The following ZNF69 variants were observed in gnomAD, a reference collection of about 807,000 sequenced individuals.
ZNF69 encodes zinc finger protein 69.
A neutral mutation model predicts 50.9 loss-of-function variants in ZNF69; 47 were observed. The observed-to-expected ratio is 0.92, with a 90% CI of 0.73 to 1.18. The LOEUF (loss-of-function observed/expected upper bound fraction) is 1.18. Among genes scored for constraint, ZNF69 ranks in the 50% most tolerant of loss-of-function variants. The pLI is 0.00. For synonymous variants in ZNF69, 216 were observed against 223.1 expected (o/e 0.97, Z 0.29); for missense variants, 717 against 675.1 (o/e 1.06, Z -0.69).
chr19:11,952,910 C>A, the ZNF69 span: 1 of 152,146 alleles, frequency 6.6e-6, no homozygotes, highest in Non-Finnish European at 1.5e-5. Context: ...CCCATCTCTA[C>A]TAAAAATACA....
chr19:11,906,764 C>T (rs1314343191), downstream of ZNF69, among the ~76,000 whole-genome samples: 1 of 152,226 alleles, frequency 6.6e-6, no homozygotes, highest in Admixed American at 6.5e-5. Context: ...CATCAGAGCG[C>T]CTCTTCTCCT....
chr19:11,919,568 G>C, the ZNF69 span, among the ~76,000 whole-genome samples: 1 of 152,078 alleles, frequency 6.6e-6, no homozygotes, highest in Non-Finnish European at 1.5e-5. Flanking sequence ...AACCAGCCTG[G>C]GCCACACAGG....
intron 1 of ZNF69, among the ~76,000 whole-genome samples, chr19:11,900,249 G>A (rs766507902): frequency 6.6e-6 from 1 of 152,012 alleles, no homozygotes; most frequent in Non-Finnish European, 1.5e-5. Flanking sequence ...CACTGCACCC[G>A]GCCTGTTTTC....
downstream of ZNF69, among the ~76,000 whole-genome samples, chr19:11,917,148 A>C (rs1461226680): frequency 6.6e-6 from 1 of 152,024 alleles, no homozygotes; most frequent in Non-Finnish European, 1.5e-5. Context: ...TGAGCCAGGA[A>C]CTCATGGAGT....
the ZNF69 span, chr19:11,979,589 T>G: frequency 6.2e-7 from 1 of 1,600,994 alleles, no homozygotes; most frequent in Non-Finnish European, 8.5e-7. Flanking sequence ...CAGTTCCTTT[T>G]GGTACCATGA....
At chr19:11,977,857 G>C in the ZNF69 span, among the ~76,000 whole-genome samples, 2 of 152,094 alleles carry the variant, frequency 1.3e-5, no homozygotes, top group Non-Finnish European at 2.9e-5. Context: ...ACCCTGACTC[G>C]AAAGAAAAAT....
At chr19:11,979,943 CAAATACCTG>C in the ZNF69 span, 1 of 1,288,784 alleles carries the variant, frequency 7.8e-7, no homozygotes, top group South Asian at 1.2e-5. Flanking sequence ...CAAGTCATTT[CAAATACCTG>C]AAAAATCTTA....
At chr19:11,931,634 T>G in the ZNF69 span, among the ~76,000 whole-genome samples, 1 of 148,370 alleles carries the variant, frequency 6.7e-6, no homozygotes, top group Non-Finnish European at 1.5e-5. Context: ...GCACTGTAAA[T>G]TTCATAAAAT....
chr19:11,926,252 A>G, the ZNF69 span, among the ~76,000 whole-genome samples: 2 of 152,048 alleles, frequency 1.3e-5, no homozygotes, highest in East Asian at 1.9e-4. Flanking sequence ...TTTCCATTCT[A>G]TCTATTTTTA....
chr19:11,937,835 C>A, the ZNF69 span, among the ~76,000 whole-genome samples: 3 of 152,156 alleles, frequency 2.0e-5, no homozygotes, highest in African/African-American at 7.2e-5. Flanking sequence ...CTTATGGAAT[C>A]TTCTCTTGTA....
At chr19:11,948,758 C>T in the ZNF69 span, 4 of 1,611,890 alleles carry the variant, frequency 2.5e-6, no homozygotes, top group Admixed American at 1.7e-5. Context: ...AGAACTCACA[C>T]TGGAGAGAAA....
At chr19:11,915,795 T>A, downstream of ZNF69, among the ~76,000 whole-genome samples, 1 of 152,074 alleles carries the variant, frequency 6.6e-6, no homozygotes, top group East Asian at 1.9e-4. Flanking sequence ...TCCCAGCCAG[T>A]TGGGAGGCTG....
the ZNF69 span, among the ~76,000 whole-genome samples, chr19:11,922,864 G>T: frequency 6.7e-6 from 1 of 149,912 alleles, no homozygotes; most frequent in Non-Finnish European, 1.5e-5. Flanking sequence ...TCTTGCTGAA[G>T]TTCAGTAACC....
At chr19:11,948,414 G>C in the ZNF69 span, 7 of 1,614,054 alleles carry the variant, frequency 4.3e-6, no homozygotes, top group Non-Finnish European at 5.9e-6. Context: ...ACAGCTTTGT[G>C]TGTGCAGAAG....
downstream of ZNF69, among the ~76,000 whole-genome samples, chr19:11,910,248 A>G (rs1241297814): frequency 6.6e-6 from 1 of 152,210 alleles, no homozygotes; most frequent in Non-Finnish European, 1.5e-5. Context: ...CATACTGCCC[A>G]AGGTAATTTG....
At chr19:11,925,058 G>A in the ZNF69 span, 1 of 750,920 alleles carries the variant, frequency 1.3e-6, no homozygotes, top group East Asian at 3.2e-5. Context: ...CAGAGGTGCT[G>A]GGGCGTGGCA....
At chr19:11,967,707 T>G in the ZNF69 span, among the ~76,000 whole-genome samples, 1 of 152,042 alleles carries the variant, frequency 6.6e-6, no homozygotes, top group African/African-American at 2.4e-5. Context: ...CCGGCCCCTG[T>G]CTCTATTTTT....
chr19:11,949,485 G>A, the ZNF69 span: 746 of 1,604,758 alleles, frequency 4.6e-4, 6 homozygotes, highest in African/African-American at 9.0e-3. Flanking sequence ...GATATGTGAA[G>A]CACCTTCAAA....
chr19:11,921,409 TC>T, the ZNF69 span, among the ~76,000 whole-genome samples: 1 of 152,026 alleles, frequency 6.6e-6, no homozygotes. Context: ...GCTCAAGTGA[TC>T]CCCCTACCTC....
Sources: gnomAD v4.1 joint callset for allele counts (sites outside exome capture counted in the v4.1 genomes callset) on GRCh38, gnomAD v4.1.1 for gene constraint, MANE v1.5 for transcripts, NCBI Gene and HGNC (gene_info 2026-07-23, HGNC 2026-07-21) for gene names.